RERE: variants seen among roughly 807,000 people sequenced by gnomAD.
RERE encodes arginine-glutamic acid dipeptide repeats protein.
In RERE, 40 loss-of-function variants were observed where a neutral mutation model predicts 146.1. That is an observed-to-expected ratio of 0.27 (90% CI 0.21 to 0.36). The LOEUF (loss-of-function observed/expected upper bound fraction) is 0.36, where lower values mean the gene tolerates loss of function less well. Ranked by LOEUF, RERE falls within the 10% of genes least tolerant of loss-of-function variation. The pLI, the probability that RERE is intolerant of heterozygous loss-of-function variation, is 1.00. For missense variants in RERE, 1,933 were observed against 2,138.7 expected, an observed-to-expected ratio of 0.90 and a Z score of 1.90; for synonymous variants, 1,003 against 866.0, an observed-to-expected ratio of 1.16 and a Z score of -2.78.
rs1638274882 is a variant in RERE, at chr1:8,655,934, C to CT, written c.325+38dup. 1.9e-6 allele frequency: 3 copies of CT among 1,595,920 alleles called. No homozygotes were observed. The East Asian group carries it at 6.7e-5, about 36-fold the overall frequency. ...CCATAATGCCAAGATCATTCCCCCA[C>CT]TGTAAACATTGGCAAGACCCAAACG... On this transcript the variant is annotated intron_variant, in intron 2 of 22. Transcript: ENST00000400908.
chr1:8,697,358 T>G (rs903997449), intron 1 of RERE, among the ~76,000 whole-genome samples: 3 of 150,818 alleles, frequency 2.0e-5, no homozygotes, highest in Non-Finnish European at 4.4e-5. Flanking sequence ...TAAATACACA[T>G]GTATCTTTCT....
At chr1:8,386,020 ATATTTTTTTTTTTTTT>A (rs1274203409) in intron 12 of RERE, among the ~76,000 whole-genome samples, 4 of 36,692 alleles carry the variant, frequency 1.1e-4, no homozygotes, top group African/African-American at 3.7e-4. Flanking sequence ...ATATATATAT[ATATTTTTTTTTTTTTT>A]TTTTTTTTTT....
chr1:8,390,552 C>T (rs2124424670), intron 12 of RERE, among the ~76,000 whole-genome samples: 1 of 152,304 alleles, frequency 6.6e-6, no homozygotes, highest in Middle Eastern at 3.4e-3. Context: ...ACTAATTTAT[C>T]AGCCTCATTC....
intron 10 of RERE, among the ~76,000 whole-genome samples, chr1:8,473,570 T>C (rs1644717257): frequency 6.6e-6 from 1 of 152,226 alleles, no homozygotes; most frequent in Non-Finnish European, 1.5e-5. Context: ...CTAGACATAT[T>C]TAGCTAGTTG....
chr1:8,661,312 G>T (rs951484619), intron 1 of RERE, among the ~76,000 whole-genome samples: 9 of 152,188 alleles, frequency 5.9e-5, no homozygotes, highest in African/African-American at 1.7e-4. Context: ...AGAGAGGTCA[G>T]AGATGAGTTC....
intron 10 of RERE, among the ~76,000 whole-genome samples, chr1:8,479,820 G>A (rs1046937944): frequency 1.3e-5 from 2 of 152,116 alleles, no homozygotes; most frequent in Admixed American, 6.5e-5. Context: ...AGTAGCCACA[G>A]GAAACAAATA....
intron 1 of RERE, among the ~76,000 whole-genome samples, chr1:8,751,411 A>T (rs1640532027): frequency 6.6e-6 from 1 of 152,174 alleles, no homozygotes; most frequent in East Asian, 1.9e-4. Context: ...TTCTTATAAG[A>T]ATCATGTTTT....
intron 7 of RERE, among the ~76,000 whole-genome samples, chr1:8,515,792 A>G (rs1645406373): frequency 6.6e-6 from 1 of 152,204 alleles, no homozygotes; most frequent in Admixed American, 6.5e-5. Context: ...TATGAATCCT[A>G]GCCAAGACAT....
chr1:8,437,583 C>T (rs1393715786), intron 11 of RERE, among the ~76,000 whole-genome samples: 2 of 152,108 alleles, frequency 1.3e-5, no homozygotes, highest in East Asian at 1.9e-4. Flanking sequence ...CACAAGGCTA[C>T]GCTGCTGGCT....
chr1:8,374,072 C>G (rs570848084), intron 12 of RERE, among the ~76,000 whole-genome samples: 44 of 152,318 alleles, frequency 2.9e-4, no homozygotes, highest in Non-Finnish European at 3.8e-4. Flanking sequence ...TGAAGGCACA[C>G]GCAGAGAAGT....
chr1:8,656,660 G>A (rs1054918534), intron 1 of RERE, among the ~76,000 whole-genome samples: 1 of 152,102 alleles, frequency 6.6e-6, no homozygotes, highest in African/African-American at 2.4e-5. Context: ...CTGTCTGAAT[G>A]CCTAAGAGTA....
At chr1:8,495,235 A>G in intron 9 of RERE, 73 bp from the exon 10 acceptor site, 1 of 1,127,034 alleles carries the variant, frequency 8.9e-7, no homozygotes, top group Non-Finnish European at 1.3e-6. Context: ...TTCAATTTTC[A>G]GAGGACATTT....
chr1:8,708,981 C>T (rs1343657557), intron 1 of RERE, among the ~76,000 whole-genome samples: 2 of 133,404 alleles, frequency 1.5e-5, no homozygotes, highest in East Asian at 2.3e-4. Context: ...GGTGCAATCT[C>T]GGCTCACTGC....
chr1:8,795,181 A>G (rs1641444139), intron 1 of RERE, among the ~76,000 whole-genome samples: 1 of 151,926 alleles, frequency 6.6e-6, no homozygotes, highest in Non-Finnish European at 1.5e-5. Flanking sequence ...GCCTGCCACC[A>G]TGCCAGGGTA....
intron 10 of RERE, among the ~76,000 whole-genome samples, chr1:8,486,826 A>T (rs560098753): frequency 6.6e-5 from 10 of 151,982 alleles, no homozygotes; most frequent in Admixed American, 6.6e-5. Context: ...TTAGATGGCT[A>T]AACTGTGAAT....
Position 8,418,096 on chromosome 1 carries a change from G to A in RERE, c.1284+4631C>T, listed in dbSNP as rs543793244. ...CAAGTATGGCAGGTATGTAAATGTC[G>A]TGCTGGCTCCCTGCAGGGCAGGGAT... On this transcript the variant is annotated intron_variant, in intron 12 of 22. Transcript: ENST00000400908. Among the ~76,000 whole-genome samples, 16 of 152,292 alleles carry A rather than the reference G, an allele frequency of 1.1e-4. 1 individual carries two copies. The highest frequency in any genetic ancestry group is 3.4e-3 in the Middle Eastern group (1 of 294).
At chr1:8,548,347 A>C (rs1384416630) in intron 6 of RERE, among the ~76,000 whole-genome samples, 1 of 152,194 alleles carries the variant, frequency 6.6e-6, no homozygotes, top group Non-Finnish European at 1.5e-5. Context: ...ACATGCTCTC[A>C]CACACCCATA....
chr1:8,726,024 CAA>C (rs1319381328), intron 1 of RERE, among the ~76,000 whole-genome samples: 1 of 151,438 alleles, frequency 6.6e-6, no homozygotes, highest in Non-Finnish European at 1.5e-5. Context: ...GATTTGAAAA[CAA>C]AAGACATATT....
intron 4 of RERE, among the ~76,000 whole-genome samples, chr1:8,568,272 C>T (rs917554208): frequency 2.6e-5 from 4 of 152,226 alleles, no homozygotes; most frequent in Non-Finnish European, 5.9e-5. Flanking sequence ...CCCAGGCTCT[C>T]TGGCCTTCAG....
Sources: allele counts gnomAD v4.1 joint callset (sites outside exome capture counted in the v4.1 genomes callset), GRCh38; gene constraint gnomAD v4.1.1; transcripts MANE v1.5; gene names NCBI Gene and HGNC (gene_info 2026-07-23, HGNC 2026-07-21).